NFAM1: variants seen among roughly 807,000 people sequenced by gnomAD.
NFAM1 encodes NFAT activation molecule 1.
NFAM1 carries 17 observed loss-of-function variants against 29.0 expected under a neutral mutation model. That is an observed-to-expected ratio of 0.59 (90% CI 0.40 to 0.88). The LOEUF is 0.88. NFAM1 is among the 40% of genes least tolerant of loss of function. The pLI is 0.00. For synonymous variants in NFAM1, 175 were observed against 147.2 expected (o/e 1.19, Z -1.36); for missense variants, 324 against 344.6 (o/e 0.94, Z 0.47).
chr22:42,418,433 A>G (rs1930330890), intron 1 of NFAM1, among the ~76,000 whole-genome samples: 2 of 152,136 alleles, frequency 1.3e-5, no homozygotes, highest in Non-Finnish European at 2.9e-5. Context: ...GCTCATGCCT[A>G]TTAACCCCAG....
rs868677648 is a variant in NFAM1 at position 42,382,802 on chromosome 22, C to T, written c.*2359G>A. ...CCGTCCTTTCATGCTGTGCTCTCCT[C>T]CTCCTCCTCCTCCTCCCTGCCTCTC... On this transcript the variant is annotated 3_prime_UTR_variant, in exon 6 of 6. Transcript: ENST00000329021. 12 of 154,458 alleles carry T rather than the reference C, an allele frequency of 7.8e-5. No homozygotes were observed. In the Middle Eastern group the frequency reaches 5.2e-3, roughly 67 times the overall value. 9.6% of individuals were successfully genotyped at this position (154,458 alleles called of 1,614,324 possible).
chr22:42,437,798 G>C, the NFAM1 span, among the ~76,000 whole-genome samples: 9 of 152,362 alleles, frequency 5.9e-5, no homozygotes, highest in East Asian at 7.7e-4. Context: ...GGATAGGGCA[G>C]TGGGGGTTCC....
At chr22:42,402,144 C>T (rs548305767) in intron 3 of NFAM1, among the ~76,000 whole-genome samples, 8 of 152,284 alleles carry the variant, frequency 5.3e-5, no homozygotes, top group African/African-American at 9.6e-5. Flanking sequence ...CAGCCTGGGA[C>T]GCCTAGGAAG....
At chr22:42,427,999 T>C (rs1930677949) in intron 1 of NFAM1, among the ~76,000 whole-genome samples, 1 of 152,184 alleles carries the variant, frequency 6.6e-6, no homozygotes, top group East Asian at 1.9e-4. Context: ...TGTTTTCTAG[T>C]GCTTACCACG....
intron 3 of NFAM1, among the ~76,000 whole-genome samples, chr22:42,405,404 A>G (rs993545748): frequency 6.6e-6 from 1 of 152,000 alleles, no homozygotes; most frequent in Non-Finnish European, 1.5e-5. Flanking sequence ...TTCTGTGTCC[A>G]CGCCCCAGCT....
chr22:42,435,445 T>C (rs11705198), upstream of NFAM1, among the ~76,000 whole-genome samples: 4,649 of 152,044 alleles, frequency 0.031, 123 homozygotes, highest in Middle Eastern at 0.071. Context: ...CCTCCCGGGT[T>C]CAAGTGATTC....
chr22:42,401,246 A>G (rs1482383669), intron 3 of NFAM1, among the ~76,000 whole-genome samples: 1 of 152,240 alleles, frequency 6.6e-6, no homozygotes, highest in Non-Finnish European at 1.5e-5. Flanking sequence ...TATCTTAGAC[A>G]TTGCGAACAG....
chr22:42,433,924 T>C (rs984857200), upstream of NFAM1, among the ~76,000 whole-genome samples: 3 of 152,040 alleles, frequency 2.0e-5, no homozygotes, highest in Non-Finnish European at 2.9e-5. Flanking sequence ...CGGGGAGCAT[T>C]GGAAAAGCAT....
chr22:42,429,725 C>T (rs1930734974), intron 1 of NFAM1, among the ~76,000 whole-genome samples: 1 of 152,242 alleles, frequency 6.6e-6, no homozygotes, highest in Non-Finnish European at 1.5e-5. Context: ...ATCAGGGACG[C>T]TGGCCTTCAG....
At chr22:42,403,811 C>G (rs1302741355) in intron 3 of NFAM1, among the ~76,000 whole-genome samples, 1 of 152,192 alleles carries the variant, frequency 6.6e-6, no homozygotes, top group African/African-American at 2.4e-5. Context: ...AGGGGACCTA[C>G]AGATGACGAG....
chr22:42,423,013 T>C (rs988100948), intron 1 of NFAM1, among the ~76,000 whole-genome samples: 1 of 147,670 alleles, frequency 6.8e-6, no homozygotes, highest in Non-Finnish European at 1.5e-5. Context: ...CTTGGGAGGC[T>C]GAGGCATGAG....
intron 4 of NFAM1, 120 bp from the exon 5 acceptor site, chr22:42,387,198 C>A: frequency 1.8e-6 from 1 of 561,392 alleles, no homozygotes; most frequent in Non-Finnish European, 3.1e-6. Flanking sequence ...AGGGTGAAGC[C>A]CAGCCACACC....
chr22:42,436,609 C>G (rs1016174129), upstream of NFAM1, among the ~76,000 whole-genome samples: 10 of 152,218 alleles, frequency 6.6e-5, no homozygotes, highest in Non-Finnish European at 1.3e-4. Flanking sequence ...CCTGGCTTGT[C>G]TCCAGAATCC....
At chr22:42,414,145 A>G (rs917933722) in intron 1 of NFAM1, among the ~76,000 whole-genome samples, 3 of 152,184 alleles carry the variant, frequency 2.0e-5, no homozygotes, top group Admixed American at 1.3e-4. Context: ...ATCGACTCAC[A>G]TGTCGGCAGT....
intron 1 of NFAM1, among the ~76,000 whole-genome samples, chr22:42,423,130 G>GAAAAAAAAA (rs1930504586): frequency 1.7e-5 from 1 of 60,174 alleles, no homozygotes. Flanking sequence ...AAAAAAAAAG[G>GAAAAAAAAA]AAATGAAGTG....
intron 1 of NFAM1, among the ~76,000 whole-genome samples, chr22:42,424,160 A>C (rs993923554): frequency 6.6e-6 from 1 of 152,094 alleles, no homozygotes; most frequent in Non-Finnish European, 1.5e-5. Flanking sequence ...TCATGCCTGT[A>C]ATCCCAGCAC....
intron 1 of NFAM1, among the ~76,000 whole-genome samples, chr22:42,422,401 T>C (rs1375275428): frequency 6.6e-6 from 1 of 151,832 alleles, no homozygotes; most frequent in Non-Finnish European, 1.5e-5. Context: ...AGGTCAGTAG[T>C]TCGAGACCAG....
intron 1 of NFAM1, among the ~76,000 whole-genome samples, chr22:42,423,364 TG>T (rs1250574932): frequency 6.6e-6 from 1 of 152,088 alleles, no homozygotes. Context: ...TCTTGGAGTG[TG>T]GGTCATTATT....
intron 1 of NFAM1, among the ~76,000 whole-genome samples, chr22:42,415,644 C>G (rs1930238201): frequency 6.6e-6 from 1 of 152,174 alleles, no homozygotes; most frequent in Non-Finnish European, 1.5e-5. Context: ...AGCTGGAATC[C>G]TGCAACTGCC....
Sources: allele counts gnomAD v4.1 joint callset (sites outside exome capture counted in the v4.1 genomes callset), GRCh38; gene constraint gnomAD v4.1.1; transcripts MANE v1.5; gene names NCBI Gene and HGNC (gene_info 2026-07-23, HGNC 2026-07-21).